SLA: variants seen among roughly 807,000 people sequenced by gnomAD.
SLA encodes src-like-adapter.
A neutral mutation model predicts 30.3 loss-of-function variants in SLA; 16 were observed. That is an observed-to-expected ratio of 0.53 (90% CI 0.36 to 0.80). The LOEUF (loss-of-function observed/expected upper bound fraction) is 0.80, where lower values mean the gene tolerates loss of function less well. SLA is among the 30% of genes least tolerant of loss of function. The probability of loss-of-function intolerance (pLI) is 0.01; values close to 1 mark genes in which losing one functional copy is unlikely to be tolerated. For missense variants in SLA, 310 were observed against 345.2 expected (o/e 0.90, Z 0.81); for synonymous variants, 143 against 137.8 (o/e 1.04, Z -0.26).
rs763457366 is a variant in SLA, at chr8:133,047,712, A to G, written c.352+118T>C. ...TGTGGGCTGCAGGGAGCTTAACTAC[A>G]TTGGATCAATTTGCATGGACGTAGG... is the stretch of plus-strand genomic sequence containing the variant. On this transcript the variant is annotated intron_variant, in intron 6 of 8. Coordinates refer to ENST00000338087, the MANE Select transcript of SLA (RefSeq NM_001045556.3). The G allele has an allele frequency of 3.3e-5, 24 of 731,040 alleles. 1 individual carries two copies. The highest frequency in any genetic ancestry group is 2.5e-4 in the South Asian group (17 of 68,680). The allele number at this position is 731,040 out of a possible 1,614,324, so 45.3% of individuals were successfully genotyped here.
intron 1 of SLA, chr8:133,095,349 C>A (rs1023861129): frequency 1.7e-6 from 2 of 1,159,684 alleles, no homozygotes; most frequent in Non-Finnish European, 2.5e-6. Flanking sequence ...AACTCACATT[C>A]CCTAGCCCCT....
chr8:133,080,662 C>T (rs1845609250), intron 1 of SLA, among the ~76,000 whole-genome samples: 1 of 152,196 alleles, frequency 6.6e-6, no homozygotes, highest in Non-Finnish European at 1.5e-5. Context: ...CTGTTCTCCA[C>T]CCTCCTTATC....
intron 1 of SLA, among the ~76,000 whole-genome samples, chr8:133,084,958 AT>A (rs1846299614): frequency 6.6e-6 from 1 of 152,344 alleles, no homozygotes; most frequent in Non-Finnish European, 1.5e-5. Flanking sequence ...GCAGTGGGTG[AT>A]TTGGGACAAA....
At chr8:133,066,496 C>G (rs1843060650) in intron 2 of SLA, among the ~76,000 whole-genome samples, 1 of 152,156 alleles carries the variant, frequency 6.6e-6, no homozygotes, top group Non-Finnish European at 1.5e-5. Context: ...TCCAAGGACT[C>G]TCTCTGGGTA....
At chr8:133,038,941 A>C (rs954670978) in intron 8 of SLA, among the ~76,000 whole-genome samples, 1 of 152,148 alleles carries the variant, frequency 6.6e-6, no homozygotes, top group Admixed American at 6.5e-5. Context: ...GCAGTGGTGC[A>C]ATCTCTGCTC....
chr8:133,042,376 G>T lies in SLA; in HGVS notation c.485-2246C>A, dbSNP rs1838427903. On this transcript the variant is annotated intron_variant, in intron 7 of 8. Coordinates refer to ENST00000338087, the MANE Select transcript of SLA (RefSeq NM_001045556.3). ...GGTTCCTAGACCCTCAAGGTCCCCA[G>T]CCCTTGATTTTCCCAGCCATATTTT... Among the ~76,000 whole-genome samples the T allele has an allele frequency of 2.0e-5, 3 of 152,162 alleles. No individual in the cohort carries two copies. In the South Asian group the frequency reaches 6.2e-4, roughly 32 times the overall value.
At chr8:133,061,738 AG>A (rs1842395765) in intron 2 of SLA, among the ~76,000 whole-genome samples, 1 of 152,164 alleles carries the variant, frequency 6.6e-6, no homozygotes, top group African/African-American at 2.4e-5. Context: ...AGGGCACAAA[AG>A]TCAGCCCATC....
At chr8:133,084,555 TG>T (rs1386814951) in intron 1 of SLA, among the ~76,000 whole-genome samples, 2 of 152,210 alleles carry the variant, frequency 1.3e-5, no homozygotes, top group African/African-American at 4.8e-5. Flanking sequence ...AGCATTTAAA[TG>T]GCTTCTGACA....
intron 3 of SLA, among the ~76,000 whole-genome samples, chr8:133,057,335 A>G (rs1841630049): frequency 6.6e-6 from 1 of 152,220 alleles, no homozygotes; most frequent in Non-Finnish European, 1.5e-5. Context: ...TGTACTGCCC[A>G]TGTCTGGTAC....
intron 3 of SLA, among the ~76,000 whole-genome samples, chr8:133,054,312 T>C (rs2131263999): frequency 6.6e-6 from 1 of 152,282 alleles, no homozygotes; most frequent in East Asian, 1.9e-4. Flanking sequence ...ACATATGCAC[T>C]GCGCATGAAA....
At chr8:133,078,773 C>T (rs962716769) in intron 1 of SLA, among the ~76,000 whole-genome samples, 1 of 152,212 alleles carries the variant, frequency 6.6e-6, no homozygotes, top group African/African-American at 2.4e-5. Context: ...CTTTAGCCAA[C>T]ATCTATTGTA....
intron 4 of SLA, 80 bp downstream of exon 4, chr8:133,050,736 A>C: frequency 1.1e-6 from 1 of 912,118 alleles, no homozygotes; most frequent in Non-Finnish European, 1.8e-6. Context: ...AGACCACTCT[A>C]GCTAACAATC....
chr8:133,100,262 GC>G (rs1406337428), intron 1 of SLA, among the ~76,000 whole-genome samples: 2 of 152,114 alleles, frequency 1.3e-5, no homozygotes, highest in Non-Finnish European at 2.9e-5. Context: ...GAAAGACCTT[GC>G]TTGACCACTT....
At chr8:133,096,458 A>G in intron 1 of SLA, 1 of 1,517,636 alleles carries the variant, frequency 6.6e-7, no homozygotes, top group African/African-American at 1.4e-5. Flanking sequence ...ATCAAGAGAT[A>G]TTGACCAATT....
intron 1 of SLA, among the ~76,000 whole-genome samples, chr8:133,091,345 G>A (rs1275459096): frequency 6.6e-6 from 1 of 152,196 alleles, no homozygotes; most frequent in African/African-American, 2.4e-5. Context: ...TTCCAGGGTG[G>A]GACTGAGAAG....
At chr8:133,047,745 A>T (rs1370919004) in intron 6 of SLA, 85 bp downstream of exon 6, 1 of 816,764 alleles carries the variant, frequency 1.2e-6, no homozygotes, top group Non-Finnish European at 2.2e-6. Flanking sequence ...AGGAGGAAGG[A>T]AAATGAAGCC....
At chr8:133,065,156 C>A (rs1488285037) in intron 2 of SLA, among the ~76,000 whole-genome samples, 3 of 152,180 alleles carry the variant, frequency 2.0e-5, no homozygotes, top group Non-Finnish European at 4.4e-5. Context: ...TGAATGCCAA[C>A]AACAACGGTG....
chr8:133,093,143 T>TCTTTTCTTTTCTTTTC (rs55977841), intron 1 of SLA, among the ~76,000 whole-genome samples: 5 of 93,940 alleles, frequency 5.3e-5, no homozygotes, highest in African/African-American at 1.6e-4. Flanking sequence ...TCTTTTCTTT[T>TCTTTTCTTTTCTTTTC]TTTTTTTTAA....
intron 3 of SLA, among the ~76,000 whole-genome samples, chr8:133,057,774 CAA>C (rs5895173): frequency 3.7e-4 from 52 of 142,034 alleles, no homozygotes; most frequent in South Asian, 1.6e-3. Flanking sequence ...AAACAAAAAA[CAA>C]AAAAAAAAAA....
Sources: gnomAD v4.1 joint callset for allele counts (sites outside exome capture counted in the v4.1 genomes callset) on GRCh38, gnomAD v4.1.1 for gene constraint, MANE v1.5 for transcripts, NCBI Gene and HGNC (gene_info 2026-07-23, HGNC 2026-07-21) for gene names.